PTPRM: variants seen among roughly 807,000 people sequenced by gnomAD.
PTPRM encodes the protein receptor-type tyrosine-protein phosphatase mu.
In PTPRM, 47 loss-of-function variants were observed where a neutral mutation model predicts 186.7. The observed-to-expected ratio is 0.25, with a 90% CI of 0.20 to 0.32. PTPRM has a LOEUF of 0.32. PTPRM is among the 10% of genes least tolerant of loss of function. PTPRM has a pLI of 1.00. For synonymous variants in PTPRM, 668 were observed against 674.9 expected (o/e 0.99, Z 0.16); for missense variants, 1,494 against 1,865.0 (o/e 0.80, Z 3.66).
At chr18:7,689,517 C>T (rs1220066319) in intron 1 of PTPRM, among the ~76,000 whole-genome samples, 4 of 152,248 alleles carry the variant, frequency 2.6e-5, no homozygotes, top group Non-Finnish European at 5.9e-5. Context: ...ATTCCAATGA[C>T]ATCTACGCTA....
chr18:8,182,769 A>G (rs2093593395), intron 14 of PTPRM, among the ~76,000 whole-genome samples: 1 of 152,234 alleles, frequency 6.6e-6, no homozygotes, highest in South Asian at 2.1e-4. Context: ...CATGTTTATT[A>G]TAAAATCTTG....
rs57839485 is a variant in PTPRM, at chr18:7,834,992, C to CT, written c.197-53092dup. Among the ~76,000 whole-genome samples the CT allele has an allele frequency of 3.9e-3, 333 of 85,232 alleles. 3 individuals are homozygous for CT. The highest frequency in any genetic ancestry group is 0.025 in the East Asian group (67 of 2,700). The allele number at this position is 85,232 out of a possible 152,430, so 55.9% of individuals were successfully genotyped here. A position where few individuals can be genotyped will look rare whatever the true frequency, so the allele number is the denominator to read the frequency against. On this transcript the variant is annotated intron_variant, in intron 2 of 32. Coordinates refer to ENST00000580170, the MANE Select transcript of PTPRM (RefSeq NM_001105244.2). ...CATGTTTGATGTTATTTATTTGGAT[C>CT]TTTTTTTTTTTTTTTTTTTTTTAGT... is the stretch of plus-strand genomic sequence containing the variant.
intron 2 of PTPRM, among the ~76,000 whole-genome samples, chr18:7,792,934 T>C (rs965327795): frequency 1.3e-5 from 2 of 152,202 alleles, no homozygotes; most frequent in Admixed American, 1.3e-4. Context: ...CAGATATTAA[T>C]AAAAGTAGCC....
intron 2 of PTPRM, among the ~76,000 whole-genome samples, chr18:7,838,425 C>T (rs1356231597): frequency 6.6e-6 from 1 of 152,160 alleles, no homozygotes; most frequent in Admixed American, 6.5e-5. Context: ...ATAGAGGTAC[C>T]ACTTTAGTGG....
At chr18:8,310,545 GGA>G (rs2095260252) in intron 20 of PTPRM, among the ~76,000 whole-genome samples, 2 of 149,348 alleles carry the variant, frequency 1.3e-5, no homozygotes, top group African/African-American at 2.5e-5. Context: ...TTGAAATTTA[GGA>G]GTTCTGCCCT....
At chr18:8,248,090 C>G in intron 16 of PTPRM, 60 bp from the exon 17 acceptor site, 1 of 1,477,940 alleles carries the variant, frequency 6.8e-7, no homozygotes. Flanking sequence ...ATTCATCAAT[C>G]ATTTACTGTT....
At chr18:8,379,452 A>C in intron 28 of PTPRM, 112 bp downstream of exon 28, 1 of 1,156,494 alleles carries the variant, frequency 8.6e-7, no homozygotes, top group Non-Finnish European at 1.1e-6. Flanking sequence ...TTTAAGACAC[A>C]AACTTTTTTT....
chr18:7,684,325 T>C (rs1350088285), intron 1 of PTPRM, among the ~76,000 whole-genome samples: 1 of 151,924 alleles, frequency 6.6e-6, no homozygotes, highest in Non-Finnish European at 1.5e-5. Context: ...AATAAATGAA[T>C]GAATAAAATA....
chr18:7,723,008 T>C (rs2040477936), intron 1 of PTPRM, among the ~76,000 whole-genome samples: 1 of 152,350 alleles, frequency 6.6e-6, no homozygotes, highest in African/African-American at 2.4e-5. Flanking sequence ...TAGTTTTTTT[T>C]TCCAAGAAGC....
intron 1 of PTPRM, among the ~76,000 whole-genome samples, chr18:7,670,023 T>A (rs1779341948): frequency 6.6e-6 from 1 of 152,142 alleles, no homozygotes; most frequent in African/African-American, 2.4e-5. Flanking sequence ...GGATTACAGG[T>A]GTGAGCCACC....
intron 2 of PTPRM, among the ~76,000 whole-genome samples, chr18:7,871,551 T>A (rs1281078813): frequency 6.6e-6 from 1 of 152,230 alleles, no homozygotes; most frequent in African/African-American, 2.4e-5. Context: ...TGTCAGTGTC[T>A]GTTCACTGTA....
At chr18:8,265,203 A>G (rs969885606) in intron 19 of PTPRM, among the ~76,000 whole-genome samples, 1 of 152,218 alleles carries the variant, frequency 6.6e-6, no homozygotes, top group African/African-American at 2.4e-5. Context: ...GCAGCAGCAG[A>G]TGCTGTCCAT....
chr18:7,585,066 T>C (rs1381778312), intron 1 of PTPRM, among the ~76,000 whole-genome samples: 1 of 152,128 alleles, frequency 6.6e-6, no homozygotes, highest in Non-Finnish European at 1.5e-5. Flanking sequence ...GCAAGGGAGC[T>C]TGAGGCCAAG....
At chr18:7,765,057 C>T (rs1212463293) in intron 1 of PTPRM, among the ~76,000 whole-genome samples, 1 of 152,070 alleles carries the variant, frequency 6.6e-6, no homozygotes, top group African/African-American at 2.4e-5. Context: ...AGTCAAGTTC[C>T]TAATAATTTG....
intron 2 of PTPRM, among the ~76,000 whole-genome samples, chr18:7,865,392 T>C (rs2047629866): frequency 6.6e-6 from 1 of 152,228 alleles, no homozygotes; most frequent in Admixed American, 6.5e-5. Context: ...GTTTTTAGCA[T>C]AAAGGGTGTT....
intron 7 of PTPRM, 112 bp downstream of exon 7, chr18:7,955,526 C>A: frequency 1.6e-6 from 2 of 1,277,888 alleles, no homozygotes; most frequent in South Asian, 1.5e-5. Context: ...TCAAAACCTG[C>A]ATATGAACAG....
intron 4 of PTPRM, among the ~76,000 whole-genome samples, chr18:7,920,996 T>C (rs929372597): frequency 6.6e-6 from 1 of 152,202 alleles, no homozygotes; most frequent in African/African-American, 2.4e-5. Flanking sequence ...ATTTGCTTCT[T>C]TTCTCTTGCT....
Position 8,390,107 on chromosome 18 carries a change from A to G in PTPRM, c.4208+2872A>G, listed in dbSNP as rs189303200. 4.4e-3 allele frequency among the ~76,000 whole-genome samples: 664 copies of G among 152,370 alleles called. 4 individuals carry two copies. The highest frequency in any genetic ancestry group is 0.015 in the African/African-American group (608 of 41,592). On this transcript the variant is annotated intron_variant, in intron 31 of 32. Coordinates refer to ENST00000580170, the MANE Select transcript of PTPRM (RefSeq NM_001105244.2). ...GGAAAAGCGGTGTAATGGTAAGGCAAGGATAGAAAACAGCTAATCTTCTAA... is the reference window on the plus strand; with the variant it reads ...GGAAAAGCGGTGTAATGGTAAGGCAGGGATAGAAAACAGCTAATCTTCTAA...
intron 29 of PTPRM, among the ~76,000 whole-genome samples, chr18:8,383,835 G>A (rs2095754727): frequency 6.6e-6 from 1 of 152,228 alleles, no homozygotes; most frequent in African/African-American, 2.4e-5. Flanking sequence ...CCAGCCAGCA[G>A]AGCGTGGAGA....
Sources: allele counts gnomAD v4.1 joint callset (sites outside exome capture counted in the v4.1 genomes callset), GRCh38; gene constraint gnomAD v4.1.1; transcripts MANE v1.5; gene names NCBI Gene and HGNC (gene_info 2026-07-23, HGNC 2026-07-21).